The following KLHL2 variants were observed in gnomAD, a reference collection of about 807,000 sequenced individuals.
The protein encoded by KLHL2 is kelch-like protein 2.
KLHL2 carries 15 observed loss-of-function variants against 75.8 expected under a neutral mutation model. The ratio of observed to expected loss-of-function variants is 0.20; its 90% CI spans 0.13 to 0.30. The LOEUF (loss-of-function observed/expected upper bound fraction) is 0.30, where lower values mean the gene tolerates loss of function less well. Ranked by LOEUF, KLHL2 falls within the 10% of genes least tolerant of loss-of-function variation. KLHL2 has a pLI of 1.00. For synonymous variants in KLHL2, 214 were observed against 251.9 expected (o/e 0.85, Z 1.42); for missense variants, 381 against 741.0 (o/e 0.51, Z 5.64).
At chr4:165,279,037 A>G (rs755458877) in intron 5 of KLHL2, 6 of 1,505,284 alleles carry the variant, frequency 4.0e-6, no homozygotes, top group South Asian at 1.1e-5. Context: ...GCATAGTCCT[A>G]CTTGCATTTG....
At position 165,319,609 on chromosome 4, in the gene KLHL2, C is replaced by CT. The variant is rs1560837712; in HGVS notation, c.1753+1644dup. 6.6e-6 allele frequency among the ~76,000 whole-genome samples: 1 copy of CT among 152,002 alleles called. No individual in the cohort carries two copies. Among genetic ancestry groups the CT allele is most frequent in the African/African-American group, 2.4e-5 (1 of 41,406 alleles). ...TTTTTATCTTGTGTTGAACATGCAGCTTTTATGTGGGTGCAGGATTTTTGT... is the reference window on the plus strand; with the variant it reads ...TTTTTATCTTGTGTTGAACATGCAGCTTTTTATGTGGGTGCAGGATTTTTGT... On this transcript the variant is annotated intron_variant, in intron 14 of 14. Coordinates refer to ENST00000226725, the MANE Select transcript of KLHL2 (RefSeq NM_007246.4). The surrounding 1 kb of genome is among the most constrained non-coding windows in gnomAD (Gnocchi z 4.5).
intron 9 of KLHL2, among the ~76,000 whole-genome samples, chr4:165,309,823 A>G (rs190943828): frequency 1.1e-4 from 17 of 152,306 alleles, no homozygotes; most frequent in Non-Finnish European, 2.1e-4. Context: ...TAGCCCACTA[A>G]CATGATAAAC....
chr4:165,252,983 A>G (rs1370739738), intron 4 of KLHL2, among the ~76,000 whole-genome samples: 1 of 152,234 alleles, frequency 6.6e-6, no homozygotes, highest in African/African-American at 2.4e-5. Flanking sequence ...TTAAAGTGGC[A>G]TAGTATTAAT....
At chr4:165,300,169 A>G (rs895874212) in intron 8 of KLHL2, among the ~76,000 whole-genome samples, 6 of 151,956 alleles carry the variant, frequency 3.9e-5, no homozygotes, top group Non-Finnish European at 4.4e-5. Flanking sequence ...GGTGCCTGTA[A>G]TCTCTGCTAC....
At chr4:165,311,807 C>CTGTGTGTGTGTG (rs753272810) in intron 11 of KLHL2, among the ~76,000 whole-genome samples, 7 of 111,638 alleles carry the variant, frequency 6.3e-5, no homozygotes, top group Non-Finnish European at 1.1e-4. Context: ...CCTCCTTTCT[C>CTGTGTGTGTGTG]TCTGTGTGTG....
intron 6 of KLHL2, among the ~76,000 whole-genome samples, chr4:165,296,694 A>T (rs970402549): frequency 6.6e-6 from 1 of 152,184 alleles, no homozygotes; most frequent in East Asian, 1.9e-4. Flanking sequence ...TGATAGAAGC[A>T]GGGGGGAGAG....
At chr4:165,271,351 GT>G (rs1442452938) in intron 5 of KLHL2, among the ~76,000 whole-genome samples, 1 of 152,084 alleles carries the variant, frequency 6.6e-6, no homozygotes, top group Non-Finnish European at 1.5e-5. Flanking sequence ...AGTTCTCCTT[GT>G]AGAGTTCTTC....
chr4:165,287,006 A>G (rs1212478443), intron 5 of KLHL2, among the ~76,000 whole-genome samples: 3 of 152,184 alleles, frequency 2.0e-5, no homozygotes, highest in Non-Finnish European at 4.4e-5. Context: ...GTGTTAAGGA[A>G]CATATAACAT....
intron 13 of KLHL2, among the ~76,000 whole-genome samples, chr4:165,317,506 A>G (rs1746673400): frequency 6.6e-6 from 1 of 151,976 alleles, no homozygotes; most frequent in Non-Finnish European, 1.5e-5. Context: ...CTGGGACCAC[A>G]GGCACACTCC....
chr4:165,278,882 C>G, intron 5 of KLHL2: 6 of 1,475,802 alleles, frequency 4.1e-6, no homozygotes, highest in Non-Finnish European at 5.7e-6. Context: ...CCCTAAACAC[C>G]CAGATATTGG....
At chr4:165,255,754 A>G (rs2111194024) in intron 4 of KLHL2, among the ~76,000 whole-genome samples, 1 of 152,094 alleles carries the variant, frequency 6.6e-6, no homozygotes, top group East Asian at 1.9e-4. Flanking sequence ...CCTTCTCCCC[A>G]CACTCCTCCC....
intron 12 of KLHL2, 91 bp downstream of exon 12, chr4:165,313,457 T>A: frequency 8.7e-7 from 1 of 1,147,846 alleles, no homozygotes; most frequent in Non-Finnish European, 1.2e-6. Flanking sequence ...TTACATTATC[T>A]GAAAATATAT....
chr4:165,279,712 G>A lies in KLHL2; in HGVS notation c.545-14647G>A, dbSNP rs1159096678. 7.8e-6 allele frequency: 10 copies of A among 1,283,178 alleles called. No individual in the cohort carries two copies. In the Admixed American group the frequency reaches 1.7e-4, roughly 22 times the overall value. 79.5% of individuals were successfully genotyped at this position (1,283,178 alleles called of 1,614,324 possible). Reference sequence around the variant, plus strand: ...TGGGTGACGGCGGCGGGAGGGGGAGGGGAGGGTGACGAGTCCAAAGAGCGA... The same window carrying A: ...TGGGTGACGGCGGCGGGAGGGGGAGAGGAGGGTGACGAGTCCAAAGAGCGA... On this transcript the variant is annotated intron_variant, in intron 5 of 14. Coordinates refer to ENST00000226725, the MANE Select transcript of KLHL2 (RefSeq NM_007246.4).
At chr4:165,236,863 A>G (rs1300134948) in intron 3 of KLHL2, among the ~76,000 whole-genome samples, 1 of 152,008 alleles carries the variant, frequency 6.6e-6, no homozygotes, top group Non-Finnish European at 1.5e-5. Flanking sequence ...CAAATATTTG[A>G]ACTAGCAAAA....
At chr4:165,213,474 C>A in intron 1 of KLHL2, among the ~76,000 whole-genome samples, 1 of 152,348 alleles carries the variant, frequency 6.6e-6, no homozygotes, top group East Asian at 1.9e-4. Flanking sequence ...CTTCTCTCCC[C>A]TGTTACAACA....
chr4:165,312,427 A>ATTT (rs56298732), intron 11 of KLHL2, among the ~76,000 whole-genome samples: 3 of 147,042 alleles, frequency 2.0e-5, no homozygotes, highest in African/African-American at 2.6e-5. Context: ...TATTATTATT[A>ATTT]TTTTTTTTTA....
rs761055223 is a variant in KLHL2, at chr4:165,310,704, G to A, written c.1191G>A (p.Val397=). ...RDRRSTLGAA[V]LNGLLYAVGG... is the part of the protein sequence containing the mutation. ...GGAGAAGCACTTTGGGAGCTGCTGTGTTAAATGGATTATTATACGCTGTGG... is the reference window on the plus strand; with the variant it reads ...GGAGAAGCACTTTGGGAGCTGCTGTATTAAATGGATTATTATACGCTGTGG... Residue 397 remains valine, a synonymous_variant, in exon 10 of 15, where the codon GTG becomes GTA. Transcript: ENST00000226725. The A allele has an allele frequency of 6.2e-7, 1 of 1,614,068 alleles. No individual in the cohort carries two copies. The highest frequency in any genetic ancestry group is 1.1e-5 in the South Asian group (1 of 91,074).
chr4:165,261,036 A>G (rs1741622201), intron 4 of KLHL2, among the ~76,000 whole-genome samples: 1 of 152,208 alleles, frequency 6.6e-6, no homozygotes, highest in Non-Finnish European at 1.5e-5. Context: ...GGAAAATGCT[A>G]ATTAGAGGAG....
chr4:165,231,761 C>T (rs188041976), intron 3 of KLHL2, among the ~76,000 whole-genome samples: 2 of 152,058 alleles, frequency 1.3e-5, no homozygotes, highest in African/African-American at 4.8e-5. Context: ...TTTTATTTCT[C>T]TTGGGAGTAG....
Sources: gnomAD v4.1 joint callset for allele counts (sites outside exome capture counted in the v4.1 genomes callset) on GRCh38, gnomAD v4.1.1 for gene constraint, Gnocchi (gnomAD v3.1) non-coding constraint, MANE v1.5 for transcripts, NCBI Gene and HGNC (gene_info 2026-07-23, HGNC 2026-07-21) for gene names.